DLGAP2: variants seen among roughly 807,000 people sequenced by gnomAD.
The protein encoded by DLGAP2 is DLG associated protein 2.
Under a neutral mutation model 100.3 loss-of-function variants are expected in DLGAP2, and 26 were observed. That is an observed-to-expected ratio of 0.26 (90% CI 0.19 to 0.36). The LOEUF is 0.36. Among genes scored for constraint, DLGAP2 ranks in the 10% least tolerant of loss-of-function variants. The pLI is 1.00. For synonymous variants in DLGAP2, 886 were observed against 630.1 expected, an observed-to-expected ratio of 1.41 and a Z score of -6.08; for missense variants, 1,858 against 1,453.2, an observed-to-expected ratio of 1.28 and a Z score of -4.53.
At chr8:1,218,293 A>G (rs1480872847) in intron 2 of DLGAP2, among the ~76,000 whole-genome samples, 1 of 152,180 alleles carries the variant, frequency 6.6e-6, no homozygotes, top group Non-Finnish European at 1.5e-5. Context: ...CCCAGTTTCA[A>G]TCTTCTGCAT....
intron 3 of DLGAP2, among the ~76,000 whole-genome samples, chr8:1,287,157 T>TGTGTGTGTGTGTGTGTGTGC (rs1315463950): frequency 4.0e-5 from 4 of 99,438 alleles, no homozygotes; most frequent in African/African-American, 1.3e-4. Context: ...TGTGTGTGTG[T>TGTGTGTGTGTGTGTGTGTGC]GCGCGCGCGC....
At chr8:926,744 G>C (rs1798824561) in intron 2 of DLGAP2, among the ~76,000 whole-genome samples, 1 of 152,234 alleles carries the variant, frequency 6.6e-6, no homozygotes, top group Non-Finnish European at 1.5e-5. Context: ...AACTGAGTGA[G>C]CCAGGAGGAA....
rs192191994 is a variant in DLGAP2, at chr8:852,193, G to C, written c.19-55719G>C. The stretch of plus-strand genomic sequence containing the variant: ...AAAACAGTTTAAAGAATTGCTCTGA[G>C]GGATAGGAAATCTGTCTCTCTCACC... On this transcript the variant is annotated intron_variant, in intron 1 of 14. Transcript: ENST00000637795. Among the ~76,000 whole-genome samples the C allele has an allele frequency of 4.5e-3, 690 of 152,238 alleles. 1 individual carries two copies. The highest frequency in any genetic ancestry group is 7.3e-3 in the Non-Finnish European group (498 of 68,026).
At chr8:1,325,796 CAA>C (rs1475771250) in intron 3 of DLGAP2, among the ~76,000 whole-genome samples, 1 of 152,210 alleles carries the variant, frequency 6.6e-6, no homozygotes, top group Non-Finnish European at 1.5e-5. Context: ...TTTACTGTAT[CAA>C]GAGTTGTCGT....
intron 8 of DLGAP2, among the ~76,000 whole-genome samples, chr8:1,647,940 A>G (rs1425674101): frequency 2.6e-5 from 4 of 152,180 alleles, no homozygotes; most frequent in Non-Finnish European, 4.4e-5. Flanking sequence ...GGATCCCTTT[A>G]TAAAGGCACG....
chr8:1,392,395 A>C (rs1201537824), intron 3 of DLGAP2, among the ~76,000 whole-genome samples: 1 of 152,042 alleles, frequency 6.6e-6, no homozygotes, highest in East Asian at 1.9e-4. Context: ...AACTCGCGGC[A>C]CTCGGGGAAA....
At position 783,498 on chromosome 8, in the gene DLGAP2, TG is replaced by T. The variant is rs1821756490; in HGVS notation, c.18+45674del. Among the ~76,000 whole-genome samples the T allele has an allele frequency of 2.0e-5, 3 of 152,224 alleles. No homozygotes were observed. The South Asian group carries it at 6.2e-4, about 32-fold the overall frequency. ...TTTGGATGTGAAAAGGATGTTGTTTTGTGACCTCACCTTAGCACAGCAGACT... is the reference window on the plus strand; with the variant it reads ...TTTGGATGTGAAAAGGATGTTGTTTTTGACCTCACCTTAGCACAGCAGACT... On this transcript the variant is annotated intron_variant, in intron 1 of 14. Transcript: ENST00000637795.
At position 1,039,680 on chromosome 8, in the gene DLGAP2, G is replaced by A. The variant is rs79964757; in HGVS notation, c.73+131714G>A. The stretch of plus-strand genomic sequence containing the variant: ...GGTGTGGGTGGTCAGCTCGGTGTGC[G>A]TGGTCAGCTCGGTGTGCGTGGTCAG... On this transcript the variant is annotated intron_variant, in intron 2 of 14. Transcript: ENST00000637795. Among the ~76,000 whole-genome samples, 136 of 108,638 alleles carry A rather than the reference G, an allele frequency of 1.3e-3. 6 individuals are homozygous for A. Among genetic ancestry groups the A allele is most frequent in the Middle Eastern group, 0.014 (2 of 138 alleles). The allele number at this position is 108,638 out of a possible 152,430, so 71.3% of individuals were successfully genotyped here.
intron 3 of DLGAP2, among the ~76,000 whole-genome samples, chr8:1,365,404 C>T (rs562257179): frequency 1.3e-5 from 2 of 152,152 alleles, no homozygotes; most frequent in Admixed American, 6.5e-5. Context: ...CACTGGCTCT[C>T]CTCTCCAACC....
intron 3 of DLGAP2, among the ~76,000 whole-genome samples, chr8:1,479,247 C>G (rs1276289116): frequency 1.3e-5 from 2 of 152,198 alleles, no homozygotes; most frequent in African/African-American, 2.4e-5. Context: ...ACTTCCTGAC[C>G]TTTACTCCGC....
intron 1 of DLGAP2, among the ~76,000 whole-genome samples, chr8:845,449 G>A (rs1195211230): frequency 6.6e-6 from 1 of 152,170 alleles, no homozygotes; most frequent in Admixed American, 6.5e-5. Flanking sequence ...CTTGTTGGCT[G>A]TTTGTATATC....
chr8:1,686,303 G>A (rs983548198), intron 12 of DLGAP2, among the ~76,000 whole-genome samples: 2 of 152,224 alleles, frequency 1.3e-5, no homozygotes, highest in Non-Finnish European at 1.5e-5. Flanking sequence ...CAACATGGAT[G>A]GAATTGGAGG....
intron 3 of DLGAP2, among the ~76,000 whole-genome samples, chr8:1,423,092 A>T (rs1228656151): frequency 6.6e-6 from 1 of 152,238 alleles, no homozygotes; most frequent in Non-Finnish European, 1.5e-5. Context: ...AGTGTAGACA[A>T]GTGGAAATCT....
chr8:1,186,792 A>G (rs1797514432), intron 2 of DLGAP2, among the ~76,000 whole-genome samples: 1 of 152,084 alleles, frequency 6.6e-6, no homozygotes, highest in African/African-American at 2.4e-5. Flanking sequence ...AGGTTCATGG[A>G]AGCCACCTGC....
intron 3 of DLGAP2, among the ~76,000 whole-genome samples, chr8:1,316,821 A>G (rs1290696107): frequency 6.8e-6 from 1 of 147,134 alleles, no homozygotes; most frequent in African/African-American, 2.6e-5. Flanking sequence ...GCGTTTAAAA[A>G]TAGAGCCTGT....
chr8:979,662 G>C (rs745314906), intron 2 of DLGAP2, among the ~76,000 whole-genome samples: 1 of 152,256 alleles, frequency 6.6e-6, no homozygotes, highest in Admixed American at 6.5e-5. Context: ...TCAGGAAGGG[G>C]TTGGATTGGT....
At chr8:788,442 G>A (rs1821937576) in intron 1 of DLGAP2, among the ~76,000 whole-genome samples, 1 of 152,232 alleles carries the variant, frequency 6.6e-6, no homozygotes, top group Admixed American at 6.5e-5. Flanking sequence ...CTGTGTCCAC[G>A]TGGTCTGGTC....
chr8:1,587,489 G>C (rs1353905489), intron 6 of DLGAP2, among the ~76,000 whole-genome samples: 1 of 152,018 alleles, frequency 6.6e-6, no homozygotes, highest in African/African-American at 2.4e-5. Context: ...TTCTTTATCT[G>C]AAAGTATATT....
intron 12 of DLGAP2, among the ~76,000 whole-genome samples, chr8:1,687,432 C>G (rs1177835898): frequency 6.6e-6 from 1 of 152,142 alleles, no homozygotes. Context: ...GAGACATATA[C>G]TGGGAGAGAA....
Sources: allele counts gnomAD v4.1 joint callset (sites outside exome capture counted in the v4.1 genomes callset), GRCh38; gene constraint gnomAD v4.1.1; transcripts MANE v1.5; gene names NCBI Gene and HGNC (gene_info 2026-07-23, HGNC 2026-07-21).